SLC2A13: variants seen among roughly 807,000 people sequenced by gnomAD.
The protein encoded by SLC2A13 is proton myo-inositol cotransporter.
SLC2A13 carries 32 observed loss-of-function variants against 64.4 expected under a neutral mutation model. That is an observed-to-expected ratio of 0.50 (90% CI 0.37 to 0.67). The LOEUF is 0.67. SLC2A13 is among the 30% of genes least tolerant of loss of function. The probability of loss-of-function intolerance (pLI) is 0.00; values close to 1 mark genes in which losing one functional copy is unlikely to be tolerated. For missense variants in SLC2A13, 743 were observed against 829.2 expected, an observed-to-expected ratio of 0.90 and a Z score of 1.28; for synonymous variants, 338 against 327.1, an observed-to-expected ratio of 1.03 and a Z score of -0.36.
At chr12:39,932,807 CTG>C (rs778762148) in intron 4 of SLC2A13, among the ~76,000 whole-genome samples, 4 of 147,584 alleles carry the variant, frequency 2.7e-5, no homozygotes, top group Non-Finnish European at 5.9e-5. Context: ...GAGAACAAAT[CTG>C]GAGATTTTGA....
At chr12:40,098,092 T>A (rs1006837880) in intron 1 of SLC2A13, among the ~76,000 whole-genome samples, 1 of 151,640 alleles carries the variant, frequency 6.6e-6, no homozygotes, top group Non-Finnish European at 1.5e-5. Context: ...TATGCATATA[T>A]GTGTATTTAT....
intron 2 of SLC2A13, among the ~76,000 whole-genome samples, chr12:40,044,541 T>A (rs955444439): frequency 1.3e-5 from 2 of 152,142 alleles, no homozygotes; most frequent in African/African-American, 4.8e-5. Flanking sequence ...AAATTTTATT[T>A]CCTCTTTCTT....
chr12:40,043,586 G>A (rs1948128205), intron 2 of SLC2A13, among the ~76,000 whole-genome samples: 1 of 152,030 alleles, frequency 6.6e-6, no homozygotes, highest in Non-Finnish European at 1.5e-5. Context: ...GGATCAAATG[G>A]TATTTGCTGC....
intron 3 of SLC2A13, among the ~76,000 whole-genome samples, chr12:39,974,378 C>T (rs945235519): frequency 6.6e-6 from 1 of 152,154 alleles, no homozygotes; most frequent in African/African-American, 2.4e-5. Flanking sequence ...CTGACCTCAA[C>T]CCATGTTCTT....
chr12:40,019,674 A>C (rs1365082375), intron 3 of SLC2A13, among the ~76,000 whole-genome samples: 7 of 152,204 alleles, frequency 4.6e-5, no homozygotes, highest in Non-Finnish European at 1.0e-4. Flanking sequence ...GTATTTTCAC[A>C]CTAGTTGCCC....
chr12:39,961,011 T>C (rs1486163768), intron 3 of SLC2A13, among the ~76,000 whole-genome samples: 1 of 152,040 alleles, frequency 6.6e-6, no homozygotes, highest in African/African-American at 2.4e-5. Context: ...CCTTCCAAAA[T>C]GCTGGGATTA....
intron 4 of SLC2A13, among the ~76,000 whole-genome samples, chr12:39,875,373 C>T (rs1337498804): frequency 2.0e-5 from 3 of 152,218 alleles, no homozygotes; most frequent in African/African-American, 4.8e-5. Flanking sequence ...TTTGCTTTGC[C>T]TCCCTTGTGA....
At chr12:40,084,511 C>T (rs1053379117) in intron 1 of SLC2A13, among the ~76,000 whole-genome samples, 2 of 152,204 alleles carry the variant, frequency 1.3e-5, no homozygotes, top group African/African-American at 4.8e-5. Context: ...AAAATTCAAC[C>T]TAAGTCAGGT....
intron 7 of SLC2A13, among the ~76,000 whole-genome samples, chr12:39,765,930 A>C (rs1169596384): frequency 6.6e-6 from 1 of 151,972 alleles, no homozygotes; most frequent in African/African-American, 2.4e-5. Flanking sequence ...CTCTGTGTCC[A>C]TGTGTTCTCA....
rs972079616 is a variant in SLC2A13, at chr12:39,758,287, G to A, written c.*1739C>T. 1 of 151,760 alleles carries A rather than the reference G, an allele frequency of 6.6e-6. No individual in the cohort carries two copies. The highest frequency in any genetic ancestry group is 2.4e-5 in the African/African-American group (1 of 41,358). 9.4% of individuals were successfully genotyped at this position (151,760 alleles called of 1,614,324 possible). On this transcript the variant is annotated 3_prime_UTR_variant, in exon 10 of 10. Transcript: ENST00000280871. The stretch of plus-strand genomic sequence containing the variant: ...CAGTTTAAGCACATATTATACCTCT[G>A]GTGACTTAGAGAATGAACTTCCTCA...
Position 39,873,311 on chromosome 12 carries a change from C to T in SLC2A13, c.1035-1350G>A, listed in dbSNP as rs185885301. ...ATTACTCCCATCATCATGAAAACTG[C>T]GAATGTTTTGCAGTCAGAGTGTAAA... On this transcript the variant is annotated intron_variant, in intron 4 of 9. Coordinates refer to ENST00000280871, the MANE Select transcript of SLC2A13 (RefSeq NM_052885.4). Among the ~76,000 whole-genome samples, 286 of 152,218 alleles carry T rather than the reference C, an allele frequency of 1.9e-3. 2 individuals carry two copies. Among genetic ancestry groups the T allele is most frequent in the Non-Finnish European group, 1.3e-3 (86 of 67,982 alleles).
rs185543651 is a variant in SLC2A13 at position 39,918,310 on chromosome 12, T to G, written c.1034+32947A>C. On this transcript the variant is annotated intron_variant, in intron 4 of 9. Transcript: ENST00000280871. ...AGCTTTGATGTAACTAAATTTTTTT[T>G]GGGGGGTGGTGAACTAAAATAAGCA... Among the ~76,000 whole-genome samples, 486 of 151,784 alleles carry G rather than the reference T, an allele frequency of 3.2e-3. 5 individuals are homozygous for G. Among genetic ancestry groups the G allele is most frequent in the Non-Finnish European group, 5.4e-3 (364 of 67,956 alleles).
chr12:39,939,117 G>A (rs1208530058), intron 4 of SLC2A13, among the ~76,000 whole-genome samples: 2 of 152,108 alleles, frequency 1.3e-5, no homozygotes, highest in Non-Finnish European at 2.9e-5. Flanking sequence ...GTTGCCTACT[G>A]ACATAGCCTG....
intron 1 of SLC2A13, among the ~76,000 whole-genome samples, chr12:40,087,608 A>G (rs1476285916): frequency 6.6e-6 from 1 of 152,100 alleles, no homozygotes; most frequent in Non-Finnish European, 1.5e-5. Context: ...AATATCTACT[A>G]TGTGCCAGAG....
intron 3 of SLC2A13, among the ~76,000 whole-genome samples, chr12:39,983,056 T>C (rs914462098): frequency 3.3e-5 from 5 of 150,152 alleles, no homozygotes; most frequent in African/African-American, 1.2e-4. Flanking sequence ...TTGACAAACC[T>C]GAGAAAAACA....
At position 40,101,695 on chromosome 12, in the gene SLC2A13, G is replaced by A. The variant is rs1939154293; in HGVS notation, c.556+3558C>T. Among the ~76,000 whole-genome samples, 4 of 152,016 alleles carry A rather than the reference G, an allele frequency of 2.6e-5. No individual in the cohort carries two copies. In the South Asian group the frequency reaches 8.3e-4, roughly 32 times the overall value. On this transcript the variant is annotated intron_variant, in intron 1 of 9. Transcript: ENST00000280871. ...TCCCCCCAAAACATTCCAGTCTCAT[G>A]ACCACCTCATCACCACCCTCACTCA...
chr12:40,017,788 T>A (rs1275074968), intron 3 of SLC2A13, among the ~76,000 whole-genome samples: 1 of 151,978 alleles, frequency 6.6e-6, no homozygotes, highest in African/African-American at 2.4e-5. Flanking sequence ...CTCTGAGCAG[T>A]GGTCTCATAA....
chr12:40,035,187 A>G (rs577655705), intron 2 of SLC2A13, among the ~76,000 whole-genome samples: 1 of 152,310 alleles, frequency 6.6e-6, no homozygotes, highest in African/African-American at 2.4e-5. Context: ...TTACTGAAAG[A>G]TCTCTATCCA....
At chr12:40,104,025 G>A (rs1939223577) in intron 1 of SLC2A13, among the ~76,000 whole-genome samples, 1 of 152,176 alleles carries the variant, frequency 6.6e-6, no homozygotes, top group Non-Finnish European at 1.5e-5. Context: ...GTTCCCGCAT[G>A]TGGAGTTGAA....
Sources: allele counts gnomAD v4.1 joint callset (sites outside exome capture counted in the v4.1 genomes callset), GRCh38; gene constraint gnomAD v4.1.1; transcripts MANE v1.5; gene names NCBI Gene and HGNC (gene_info 2026-07-23, HGNC 2026-07-21).